The following SYNE2 variants were observed in gnomAD, a reference collection of about 807,000 sequenced individuals.
SYNE2 encodes the protein nesprin-2.
A neutral mutation model predicts 856.3 loss-of-function variants in SYNE2; 431 were observed. The observed-to-expected ratio is 0.50, with a 90% CI of 0.47 to 0.55. The LOEUF (loss-of-function observed/expected upper bound fraction) is 0.55, where lower values mean the gene tolerates loss of function less well. Ranked by LOEUF, SYNE2 falls within the 20% of genes least tolerant of loss-of-function variation. The probability of loss-of-function intolerance (pLI) is 0.00; values close to 1 mark genes in which losing one functional copy is unlikely to be tolerated. For synonymous variants in SYNE2, 2,923 were observed against 2,872.3 expected (o/e 1.02, Z -0.56); for missense variants, 8,129 against 8,023.2 (o/e 1.01, Z -0.50).
chr14:64,155,266 A>G (rs931670054), intron 85 of SYNE2, among the ~76,000 whole-genome samples: 2 of 148,904 alleles, frequency 1.3e-5, no homozygotes, highest in Non-Finnish European at 3.0e-5. Context: ...TATCCATACA[A>G]AAGGAATGAA....
chr14:64,209,823 C>A, intron 102 of SYNE2, 119 bp from the exon 103 acceptor site: 3 of 1,401,438 alleles, frequency 2.1e-6, no homozygotes, highest in South Asian at 2.4e-5. Flanking sequence ...ATTAGGCCCT[C>A]TGCTGCCATT....
intron 11 of SYNE2, among the ~76,000 whole-genome samples, chr14:63,970,190 C>T (rs1253831349): frequency 6.6e-6 from 1 of 151,956 alleles, no homozygotes; most frequent in Admixed American, 6.6e-5. Context: ...CTCTGCCAAT[C>T]CCTGTCTTTT....
chr14:64,076,020 G>A lies in SYNE2; in HGVS notation c.10942G>A (p.Glu3648Lys), dbSNP rs776475582. 1.5e-5 allele frequency: 25 copies of A among 1,613,826 alleles called. No individual in the cohort carries two copies. The highest frequency in any genetic ancestry group is 5.5e-5 in the South Asian group (5 of 91,078). The change falls in exon 54 of 116, where the codon GAA becomes AAA. Residue 3648 changes from glutamate to lysine, a missense_variant. Glu to Lys is a moderately conservative substitution (Grantham distance 56). Coordinates refer to ENST00000555002, the MANE Select transcript of SYNE2 (RefSeq NM_182914.3). ...IMEKLRIKYS[E>K]MYTIVPAEIE... The stretch of plus-strand genomic sequence containing the variant: ...GGAAAAACTGCGAATCAAGTATTCC[G>A]AAATGTACACCATAGTCCCTGCAGA...
intron 63 of SYNE2, chr14:64,099,216 T>C (rs2097701581): frequency 3.9e-6 from 1 of 257,220 alleles, no homozygotes; most frequent in South Asian, 4.7e-5. Flanking sequence ...ACATGAAGAG[T>C]TGTGTTAGCA....
Position 64,225,013 on chromosome 14 carries a change from A to G in SYNE2, c.20484A>G (p.Arg6828=). ...TTACCCAGCAGTTCAGAGCAGTGAG[A>G]ACTACAGAAGGCGAGGAGGAGACAG... The part of the protein sequence containing the change: ...PAPRAKFRAV[R]TTEGEEETES... Residue 6828 remains arginine, a synonymous_variant, in exon 115 of 116, where the codon AGA becomes AGG. Transcript: ENST00000555002. 6.2e-7 allele frequency: 1 copy of G among 1,614,002 alleles called. No homozygotes were observed. Among genetic ancestry groups the G allele is most frequent in the Non-Finnish European group, 8.5e-7 (1 of 1,179,982 alleles).
rs1176126760 is a variant in SYNE2, at chr14:64,165,374, TCAC to T, written c.16572_16574del (p.His5524del). On this transcript the variant is annotated inframe_deletion, in exon 90 of 116. Transcript: ENST00000555002. Reference sequence around the variant, plus strand: ...ATGAAGAAGAGAATTTGGATAGACTTCACCAACAGGAAAAAGAAAATCCTGACT... The same window carrying T: ...ATGAAGAAGAGAATTTGGATAGACTTCAACAGGAAAAAGAAAATCCTGACT... 2 of 1,614,012 alleles carry T rather than the reference TCAC, an allele frequency of 1.2e-6. No individual in the cohort carries two copies. The highest frequency in any genetic ancestry group is 3.3e-5 in the Admixed American group (2 of 60,022).
At chr14:64,125,880 C>T (rs2097940358) in intron 71 of SYNE2, among the ~76,000 whole-genome samples, 1 of 152,178 alleles carries the variant, frequency 6.6e-6, no homozygotes, top group Non-Finnish European at 1.5e-5. Flanking sequence ...GACACTGTAC[C>T]TCCTCTTTGT....
chr14:63,929,099 C>T (rs1427859882), intron 2 of SYNE2, among the ~76,000 whole-genome samples: 1 of 151,950 alleles, frequency 6.6e-6, no homozygotes, highest in Non-Finnish European at 1.5e-5. Flanking sequence ...GTGATAGGAC[C>T]ATCTTTTGTT....
chr14:64,163,996 T>A (rs1032654904), intron 89 of SYNE2, among the ~76,000 whole-genome samples: 1 of 152,200 alleles, frequency 6.6e-6, no homozygotes, highest in Non-Finnish European at 1.5e-5. Context: ...CTTGGCTCAC[T>A]GCAACCTCCA....
chr14:64,128,416 A>G, intron 73 of SYNE2, 36 bp from the exon 74 acceptor site: 2 of 1,158,822 alleles, frequency 1.7e-6, no homozygotes, highest in South Asian at 2.5e-5. Context: ...TGAAGGCCTA[A>G]ATGAGATTGC....
intron 2 of SYNE2, among the ~76,000 whole-genome samples, chr14:63,931,561 AAAAG>A (rs551079564): frequency 1.4e-4 from 21 of 151,186 alleles, no homozygotes; most frequent in East Asian, 5.8e-4. Context: ...AAAAAAAAAA[AAAAG>A]AAAGAAAGAA....
chr14:63,965,581 T>G (rs2096380134), intron 10 of SYNE2, among the ~76,000 whole-genome samples: 1 of 152,170 alleles, frequency 6.6e-6, no homozygotes, highest in Non-Finnish European at 1.5e-5. Flanking sequence ...GCACTGTGCT[T>G]CTCCCCAGTG....
chr14:64,051,357 T>C (rs920427105), intron 47 of SYNE2, among the ~76,000 whole-genome samples, 200 bp from the exon 48 acceptor site: 8 of 152,070 alleles, frequency 5.3e-5, no homozygotes, highest in African/African-American at 1.9e-4. Context: ...ACTCATTTTA[T>C]AGGAGAGTTT....
At chr14:63,761,930 C>G (rs755352666) in exon 1 of SYNE2, 3 of 269,898 alleles carry the variant, frequency 1.1e-5, no homozygotes, top group African/African-American at 2.2e-5. Flanking sequence ...GAGTAGCGAC[C>G]CGCGGGGAGC....
rs1055254899 is a variant in SYNE2, at chr14:64,016,465, T to C, written c.4729-8T>C. The C allele has an allele frequency of 2.6e-6, 4 of 1,550,326 alleles. No homozygotes were observed. The highest frequency in any genetic ancestry group is 3.5e-6 in the Non-Finnish European group (4 of 1,134,306). On this transcript the variant is annotated splice_region_variant and splice_polypyrimidine_tract_variant and intron_variant, in intron 32 of 115. Transcript: ENST00000555002. ...ATATCAGAAATAACTTTCATATCTTTTTTACAGATTGAAATTGTCAAAGAA... is the reference window on the plus strand; with the variant it reads ...ATATCAGAAATAACTTTCATATCTTCTTTACAGATTGAAATTGTCAAAGAA...
Position 64,212,098 on chromosome 14 carries a change from T to C in SYNE2, c.18861T>C (p.Asn6287=), listed in dbSNP as rs755106430. 5.0e-6 allele frequency: 8 copies of C among 1,614,002 alleles called. No individual in the cohort carries two copies. In the South Asian group the frequency reaches 5.5e-5, roughly 11 times the overall value. ...CCGATGACAAGATGCGCCAACTGAA[T>C]GTGAGGGCTGCTGCTTCCCTAGCTC... ...SDADDKMRQL[N]GFQQEITLNT... is the part of the protein sequence containing the mutation. Residue 6287 remains asparagine (N), a splice_region_variant and synonymous_variant, in exon 104 of 116, where the codon AAT becomes AAC. Coordinates refer to ENST00000555002, the MANE Select transcript of SYNE2 (RefSeq NM_182914.3).
rs767533776 is a variant in SYNE2, at chr14:64,056,275, T to G, written c.10067+9T>G. ...GAAACTGAGGCAGAAAGGTAGGTCC[T>G]CTTCCAAAGGTAATCTTTAAGAACA... On this transcript the variant is annotated intron_variant, in intron 49 of 115. Transcript: ENST00000555002. 4 of 1,609,942 alleles carry G rather than the reference T, an allele frequency of 2.5e-6. No homozygotes were observed. The highest frequency in any genetic ancestry group is 2.5e-6 in the Non-Finnish European group (3 of 1,176,486).
intron 1 of SYNE2, among the ~76,000 whole-genome samples, chr14:63,879,439 C>A (rs1430580639): frequency 6.6e-6 from 1 of 152,082 alleles, no homozygotes; most frequent in Non-Finnish European, 1.5e-5. Context: ...GCAGTCGGAG[C>A]CCACAAAGGG....
chr14:64,102,962 T>C (rs989957895), intron 64 of SYNE2, among the ~76,000 whole-genome samples: 5 of 152,200 alleles, frequency 3.3e-5, no homozygotes, highest in African/African-American at 9.6e-5. Context: ...TTCATCCATA[T>C]TGTCACAAAT....
Sources: allele counts gnomAD v4.1 joint callset (sites outside exome capture counted in the v4.1 genomes callset), GRCh38; gene constraint gnomAD v4.1.1; transcripts MANE v1.5; gene names NCBI Gene and HGNC (gene_info 2026-07-23, HGNC 2026-07-21).